EXOC6B: variants seen among roughly 807,000 people sequenced by gnomAD.
EXOC6B encodes the protein exocyst complex component 6B.
A neutral mutation model predicts 113.5 loss-of-function variants in EXOC6B; 54 were observed. The observed-to-expected ratio is 0.48, with a 90% CI of 0.38 to 0.60. The LOEUF (loss-of-function observed/expected upper bound fraction) is 0.60. EXOC6B is among the 20% of genes least tolerant of loss of function. The pLI, the probability that EXOC6B is intolerant of heterozygous loss-of-function variation, is 0.00. For synonymous variants in EXOC6B, 357 were observed against 339.0 expected, an observed-to-expected ratio of 1.05 and a Z score of -0.58; for missense variants, 797 against 977.5, an observed-to-expected ratio of 0.82 and a Z score of 2.46.
chr2:72,593,693 A>G (rs868012643), intron 6 of EXOC6B, among the ~76,000 whole-genome samples: 2 of 152,052 alleles, frequency 1.3e-5, no homozygotes, highest in Middle Eastern at 3.4e-3. Context: ...TCAAATTTGT[A>G]ATTATTAGAT....
At chr2:72,661,134 CA>C (rs1558892329) in intron 6 of EXOC6B, among the ~76,000 whole-genome samples, 2 of 151,890 alleles carry the variant, frequency 1.3e-5, no homozygotes, top group Admixed American at 6.6e-5. Flanking sequence ...CATCCAAACC[CA>C]GTTATTTTTC....
chr2:72,630,812 T>C (rs1573517327), intron 6 of EXOC6B, among the ~76,000 whole-genome samples: 1 of 152,124 alleles, frequency 6.6e-6, no homozygotes, highest in African/African-American at 2.4e-5. Context: ...TTAATAGCAA[T>C]CCTAAATCAT....
chr2:72,424,035 T>C (rs919562440), intron 18 of EXOC6B, among the ~76,000 whole-genome samples: 1 of 152,256 alleles, frequency 6.6e-6, no homozygotes, highest in Admixed American at 6.5e-5. Flanking sequence ...TGTGCAAGAT[T>C]GACTTGCAAA....
intron 18 of EXOC6B, among the ~76,000 whole-genome samples, chr2:72,447,137 A>G (rs1447140237): frequency 1.3e-5 from 2 of 152,166 alleles, no homozygotes; most frequent in African/African-American, 4.8e-5. Context: ...GATTGTTCAA[A>G]CATCCACCTA....
chr2:72,247,715 G>T (rs1682754359), intron 20 of EXOC6B, among the ~76,000 whole-genome samples: 1 of 152,144 alleles, frequency 6.6e-6, no homozygotes, highest in Non-Finnish European at 1.5e-5. Flanking sequence ...AGCAAAAATG[G>T]GAAATTTGCA....
chr2:72,522,402 C>A (rs1412731151), intron 8 of EXOC6B, among the ~76,000 whole-genome samples: 1 of 152,110 alleles, frequency 6.6e-6, no homozygotes, highest in Non-Finnish European at 1.5e-5. Flanking sequence ...ACTTCTCAGG[C>A]AACATTGGAA....
chr2:72,626,944 TAGAC>T (rs1672089885), intron 6 of EXOC6B, among the ~76,000 whole-genome samples: 3 of 152,208 alleles, frequency 2.0e-5, no homozygotes, highest in South Asian at 2.1e-4. Flanking sequence ...TATGCCTTAT[TAGAC>T]AGATAATAGT....
intron 20 of EXOC6B, among the ~76,000 whole-genome samples, chr2:72,193,109 A>T (rs972597394): frequency 3.3e-5 from 5 of 152,182 alleles, no homozygotes; most frequent in Non-Finnish European, 7.3e-5. Flanking sequence ...TCACTGATCC[A>T]CATCTGCCTT....
In EXOC6B at chr2:72,541,871, G is replaced by A. The variant is rs149195399; in HGVS notation, c.915+17582C>T. The stretch of plus-strand genomic sequence containing the variant: ...TAAATACTATTATTTACAGTGTTTC[G>A]TCATGTTGCCCAGGCTGGTCTCAAA... On this transcript the variant is annotated intron_variant, in intron 8 of 21. Transcript: ENST00000272427. 2.5e-3 allele frequency among the ~76,000 whole-genome samples: 384 copies of A among 152,150 alleles called. 3 individuals carry two copies. The highest frequency in any genetic ancestry group is 8.7e-3 in the African/African-American group (363 of 41,516).
intron 20 of EXOC6B, among the ~76,000 whole-genome samples, chr2:72,270,777 A>G (rs1684432148): frequency 1.3e-5 from 2 of 152,080 alleles, no homozygotes; most frequent in African/African-American, 4.8e-5. Context: ...ATTAAATAAT[A>G]ATTTATTAAT....
intron 6 of EXOC6B, among the ~76,000 whole-genome samples, chr2:72,601,182 CTTT>C (rs1447768157): frequency 7.8e-6 from 1 of 128,142 alleles, no homozygotes; most frequent in African/African-American, 3.0e-5. Context: ...GTGTGTATAT[CTTT>C]TTTTCTTTTT....
intron 6 of EXOC6B, among the ~76,000 whole-genome samples, chr2:72,670,021 T>A (rs1675682419): frequency 6.6e-6 from 1 of 152,242 alleles, no homozygotes; most frequent in African/African-American, 2.4e-5. Context: ...GGAAATTGTA[T>A]TTTGTAGTTT....
At position 72,514,649 on chromosome 2, in the gene EXOC6B, A is replaced by C; in HGVS notation, c.1031T>G (p.Phe344Cys). 7.5e-7 allele frequency: 1 copy of C among 1,324,896 alleles called. No homozygotes were observed. Among genetic ancestry groups the C allele is most frequent in the South Asian group, 1.4e-5 (1 of 72,682 alleles). The allele number at this position is 1,324,896 out of a possible 1,614,324, so 82.1% of individuals were successfully genotyped here. ...ATATACCTACCCTACAATTTGATTA[A>C]AATACTTCCTGTAGCCATCTAAAGT... is the stretch of plus-strand genomic sequence containing the variant. ...HETLDGYRKY[F>C]NQIVGFFVVE... Residue 344 changes from phenylalanine (F) to cysteine (C), a missense_variant, in exon 10 of 22, where the codon TTT (phenylalanine) becomes TGT (cysteine). Coordinates refer to ENST00000272427, the MANE Select transcript of EXOC6B (RefSeq NM_015189.3).
intron 20 of EXOC6B, among the ~76,000 whole-genome samples, chr2:72,213,672 C>T (rs1346561414): frequency 6.6e-6 from 1 of 152,034 alleles, no homozygotes; most frequent in East Asian, 1.9e-4. Context: ...AATCCTAGCT[C>T]CAAGGTGATA....
intron 18 of EXOC6B, among the ~76,000 whole-genome samples, chr2:72,385,760 T>G (rs536714374): frequency 6.6e-6 from 1 of 152,264 alleles, no homozygotes; most frequent in Admixed American, 6.5e-5. Flanking sequence ...TATGAAAACA[T>G]GTACAACATC....
At chr2:72,407,674 C>T (rs1009087558) in intron 18 of EXOC6B, among the ~76,000 whole-genome samples, 16 of 152,156 alleles carry the variant, frequency 1.1e-4, no homozygotes, top group Admixed American at 3.3e-4. Flanking sequence ...GCCCTTCATG[C>T]TAAAAACTCT....
chr2:72,454,967 C>T (rs1672357081), intron 18 of EXOC6B, among the ~76,000 whole-genome samples: 1 of 152,072 alleles, frequency 6.6e-6, no homozygotes, highest in South Asian at 2.1e-4. Context: ...AATAACGTAA[C>T]TGTTAACTGC....
At chr2:72,414,768 C>T (rs2105236547) in intron 18 of EXOC6B, among the ~76,000 whole-genome samples, 1 of 152,338 alleles carries the variant, frequency 6.6e-6, no homozygotes, top group South Asian at 2.1e-4. Context: ...CATAAATTTA[C>T]CAGCTCACTG....
At chr2:72,302,396 T>C (rs1686585773) in intron 20 of EXOC6B, among the ~76,000 whole-genome samples, 1 of 152,348 alleles carries the variant, frequency 6.6e-6, no homozygotes, top group East Asian at 1.9e-4. Context: ...AATGTCTTTG[T>C]TAATTTTCTG....
Sources: gnomAD v4.1 joint callset for allele counts (sites outside exome capture counted in the v4.1 genomes callset) on GRCh38, gnomAD v4.1.1 for gene constraint, MANE v1.5 for transcripts, NCBI Gene and HGNC (gene_info 2026-07-23, HGNC 2026-07-21) for gene names.